Variants in CALN1 observed in about 807,000 individuals in gnomAD.
The protein encoded by CALN1 is calneuron 1.
A neutral mutation model predicts 30.6 loss-of-function variants in CALN1; 17 were observed. The observed-to-expected ratio is 0.56, with a 90% CI of 0.38 to 0.83. CALN1 has a LOEUF of 0.83. Among genes scored for constraint, CALN1 ranks in the 40% least tolerant of loss-of-function variants. CALN1 has a pLI of 0.00. For synonymous variants in CALN1, 156 were observed against 131.4 expected, an observed-to-expected ratio of 1.19 and a Z score of -1.28; for missense variants, 291 against 354.9, an observed-to-expected ratio of 0.82 and a Z score of 1.45.
At chr7:71,799,242 TATC>T (rs1787155243) in intron 6 of CALN1, among the ~76,000 whole-genome samples, 1 of 152,162 alleles carries the variant, frequency 6.6e-6, no homozygotes, top group Non-Finnish European at 1.5e-5. Context: ...AGGAAGATTG[TATC>T]ATGATTCCCC....
intron 3 of CALN1, among the ~76,000 whole-genome samples, chr7:72,166,541 C>T (rs948555810): frequency 2.0e-5 from 3 of 152,196 alleles, no homozygotes; most frequent in Non-Finnish European, 4.4e-5. Flanking sequence ...AGCCACTGTT[C>T]ATCAATATTT....
intron 5 of CALN1, among the ~76,000 whole-genome samples, chr7:71,988,082 G>T (rs1478524786): frequency 6.6e-6 from 1 of 151,848 alleles, no homozygotes; most frequent in Non-Finnish European, 1.5e-5. Flanking sequence ...ACAACGACAA[G>T]GATGGCCATC....
intron 2 of CALN1, among the ~76,000 whole-genome samples, chr7:72,313,591 C>T (rs1282760419): frequency 1.3e-5 from 2 of 152,054 alleles, no homozygotes; most frequent in Non-Finnish European, 2.9e-5. Flanking sequence ...GATGGGGTCT[C>T]ACTGTGTTGC....
chr7:72,021,304 A>T (rs930993076), intron 5 of CALN1, among the ~76,000 whole-genome samples: 1 of 152,014 alleles, frequency 6.6e-6, no homozygotes, highest in African/African-American at 2.4e-5. Context: ...GCAAAAAGGC[A>T]TTCAGGAGAA....
At chr7:71,971,866 T>C (rs1797818397) in intron 5 of CALN1, among the ~76,000 whole-genome samples, 1 of 141,156 alleles carries the variant, frequency 7.1e-6, no homozygotes, top group South Asian at 2.2e-4. Flanking sequence ...CATAGCTCCA[T>C]TCACAGTCAC....
At chr7:72,455,957 C>T in the CALN1 span, among the ~76,000 whole-genome samples, 20 of 151,758 alleles carry the variant, frequency 1.3e-4, no homozygotes, top group Admixed American at 5.9e-4. Flanking sequence ...GAGGCCAAGG[C>T]GGGCAGATCA....
intron 5 of CALN1, among the ~76,000 whole-genome samples, chr7:71,930,795 C>T (rs1795510728): frequency 6.6e-6 from 1 of 152,192 alleles, no homozygotes; most frequent in South Asian, 2.1e-4. Flanking sequence ...GCGCTTCTCA[C>T]ATGCTGTTTT....
intron 3 of CALN1, among the ~76,000 whole-genome samples, chr7:72,215,672 C>T (rs961227001): frequency 2.0e-5 from 3 of 151,826 alleles, no homozygotes; most frequent in Admixed American, 1.3e-4. Context: ...CGTAATACTG[C>T]AAAAGACTTG....
chr7:72,087,820 CA>C (rs1219216243), intron 4 of CALN1, among the ~76,000 whole-genome samples: 1 of 151,778 alleles, frequency 6.6e-6, no homozygotes, highest in Non-Finnish European at 1.5e-5. Context: ...AAGCAAAAAA[CA>C]AAAAAGGGTT....
chr7:72,231,250 G>A (rs1794078626), intron 3 of CALN1, among the ~76,000 whole-genome samples: 1 of 152,092 alleles, frequency 6.6e-6, no homozygotes, highest in Non-Finnish European at 1.5e-5. Flanking sequence ...AGCCCAGCAG[G>A]CATTAGCTAT....
At chr7:71,795,103 A>G (rs1392159512) in intron 6 of CALN1, among the ~76,000 whole-genome samples, 1 of 151,832 alleles carries the variant, frequency 6.6e-6, no homozygotes, top group East Asian at 1.9e-4. Context: ...GCTCGCTGCA[A>G]CCTCCAACTC....
At chr7:72,356,374 C>G (rs1379583893) in intron 2 of CALN1, among the ~76,000 whole-genome samples, 1 of 151,874 alleles carries the variant, frequency 6.6e-6, no homozygotes, top group Non-Finnish European at 1.5e-5. Flanking sequence ...TACATGAAAA[C>G]AATTGCACAA....
intron 4 of CALN1, among the ~76,000 whole-genome samples, chr7:72,071,911 T>C (rs1034178323): frequency 1.3e-5 from 2 of 152,114 alleles, no homozygotes; most frequent in African/African-American, 2.4e-5. Context: ...AGATGGGTGA[T>C]TTGAGCAGGC....
chr7:72,087,835 C>G (rs973375031), intron 4 of CALN1, among the ~76,000 whole-genome samples: 2 of 152,118 alleles, frequency 1.3e-5, no homozygotes, highest in Non-Finnish European at 2.9e-5. Flanking sequence ...AAGGGTTGAA[C>G]AAATGTTTTC....
At chr7:71,989,370 G>A (rs557655506) in intron 5 of CALN1, among the ~76,000 whole-genome samples, 8 of 152,106 alleles carry the variant, frequency 5.3e-5, no homozygotes, top group African/African-American at 7.2e-5. Flanking sequence ...GCCAGGAGGC[G>A]GAGGTTTGCA....
At chr7:72,182,687 T>C (rs573246810) in intron 3 of CALN1, among the ~76,000 whole-genome samples, 1 of 150,488 alleles carries the variant, frequency 6.6e-6, no homozygotes, top group Non-Finnish European at 1.5e-5. Context: ...GCCACTGCAC[T>C]CCAGCCTGAA....
intron 5 of CALN1, among the ~76,000 whole-genome samples, chr7:71,840,053 A>C (rs1485106517): frequency 6.6e-6 from 1 of 151,992 alleles, no homozygotes; most frequent in Non-Finnish European, 1.5e-5. Context: ...GATTCAACCA[A>C]CCCTGAAGTT....
At chr7:72,054,421 G>A (rs10085608) in intron 4 of CALN1, among the ~76,000 whole-genome samples, 99,567 of 129,838 alleles carry the variant, frequency 0.77, 38,995 homozygotes, top group East Asian at 1. Context: ...ATATATACGT[G>A]TATATATACA....
At chr7:71,865,220 C>T (rs1228137756) in intron 5 of CALN1, among the ~76,000 whole-genome samples, 1 of 152,088 alleles carries the variant, frequency 6.6e-6, no homozygotes, top group Non-Finnish European at 1.5e-5. Flanking sequence ...GGGGTGGTTT[C>T]TCATGGTTTA....
Sources: gnomAD v4.1 joint callset for allele counts (sites outside exome capture counted in the v4.1 genomes callset) on GRCh38, gnomAD v4.1.1 for gene constraint, MANE v1.5 for transcripts, NCBI Gene and HGNC (gene_info 2026-07-23, HGNC 2026-07-21) for gene names.